The following RASA1 variants were observed in gnomAD, a reference collection of about 807,000 sequenced individuals.
RASA1 encodes ras GTPase-activating protein 1.
A neutral mutation model predicts 132.2 loss-of-function variants in RASA1; 25 were observed. The observed-to-expected ratio is 0.19, with a 90% CI of 0.14 to 0.26. The LOEUF is 0.26. Ranked by LOEUF, RASA1 falls within the 10% of genes least tolerant of loss-of-function variation. The pLI is 1.00. For missense variants in RASA1, 964 were observed against 1,299.2 expected (o/e 0.74, Z 3.97); for synonymous variants, 477 against 449.9 (o/e 1.06, Z -0.76).
At chr5:87,360,699 G>A (rs1760021207) in intron 9 of RASA1, among the ~76,000 whole-genome samples, 1 of 152,116 alleles carries the variant, frequency 6.6e-6, no homozygotes, top group South Asian at 2.1e-4. Context: ...CAGGATAATA[G>A]AAGTAATATG....
chr5:87,385,503 AT>A, intron 22 of RASA1, 114 bp downstream of exon 22: 1 of 800,580 alleles, frequency 1.2e-6, no homozygotes, highest in East Asian at 2.7e-5. Context: ...GCGATGAAAG[AT>A]TATTTTTGTT....
rs1300670161 is a variant in RASA1 at position 87,386,793 on chromosome 5, T to C, written c.2848-33T>C. On this transcript the variant is annotated intron_variant, in intron 22 of 24. Transcript: ENST00000274376. ...AATAGATCAAACAGTGGTTTGTTTC[T>C]GGTGCATATAACAGAAGCATTTTAT... The C allele has an allele frequency of 3.2e-6, 5 of 1,579,220 alleles. No individual in the cohort carries two copies. The African/African-American group carries it at 6.7e-5, about 21-fold the overall frequency.
chr5:87,316,435 A>G (rs971183923), intron 1 of RASA1, among the ~76,000 whole-genome samples: 1 of 152,238 alleles, frequency 6.6e-6, no homozygotes. Context: ...TAAATGGACA[A>G]TCACAAAAAT....
intron 4 of RASA1, among the ~76,000 whole-genome samples, chr5:87,333,742 G>A (rs752670020): frequency 6.6e-6 from 1 of 152,080 alleles, no homozygotes; most frequent in Non-Finnish European, 1.5e-5. Context: ...CAACATGTTA[G>A]TTTGTGGTTT....
intron 1 of RASA1, among the ~76,000 whole-genome samples, chr5:87,292,367 CTTTTTTT>C (rs76957126): frequency 5.8e-5 from 7 of 120,226 alleles, no homozygotes; most frequent in South Asian, 2.7e-4. Flanking sequence ...TGTTTACATT[CTTTTTTT>C]TTTTTTTTTT....
chr5:87,369,281 G>T (rs10057748), intron 11 of RASA1, among the ~76,000 whole-genome samples: 23,804 of 152,082 alleles, frequency 0.16, 1,964 homozygotes, highest in South Asian at 0.25. Context: ...ACTAAAGGAA[G>T]ACAAGAACAT....
chr5:87,302,012 A>T (rs1244642248), intron 1 of RASA1, among the ~76,000 whole-genome samples: 1 of 152,156 alleles, frequency 6.6e-6, no homozygotes, highest in African/African-American at 2.4e-5. Context: ...GAATTTTCTG[A>T]TAATGACTTT....
chr5:87,316,336 A>G (rs1756335535), intron 1 of RASA1, among the ~76,000 whole-genome samples: 1 of 152,202 alleles, frequency 6.6e-6, no homozygotes, highest in Non-Finnish European at 1.5e-5. Flanking sequence ...AAAAAATGGG[A>G]AAAATAGCTG....
chr5:87,387,615 G>A (rs1173440863), intron 23 of RASA1, among the ~76,000 whole-genome samples: 1 of 152,120 alleles, frequency 6.6e-6, no homozygotes. Context: ...GCATTAGGGA[G>A]TGCTAGGATT....
chr5:87,281,902 GT>G (rs1338323286), intron 1 of RASA1, among the ~76,000 whole-genome samples: 2 of 151,956 alleles, frequency 1.3e-5, no homozygotes, highest in Non-Finnish European at 2.9e-5. Flanking sequence ...TTCGAGTTGA[GT>G]TTTTTTGTTT....
chr5:87,338,536 A>ATATTTTTT lies in RASA1; in HGVS notation c.1017+446_1017+447insATTTTTTT. Among the ~76,000 whole-genome samples, 14 of 85,220 alleles carry ATATTTTTT rather than the reference A, an allele frequency of 1.6e-4. 1 individual carries two copies. Among genetic ancestry groups the ATATTTTTT allele is most frequent in the African/African-American group, 4.9e-4 (11 of 22,624 alleles). 55.9% of individuals were successfully genotyped at this position (85,220 alleles called of 152,430 possible). On this transcript the variant is annotated intron_variant, in intron 5 of 24. Coordinates refer to ENST00000274376, the MANE Select transcript of RASA1 (RefSeq NM_002890.3). ...ATATATATATATATATATATATAAA[A>ATATTTTTT]TTTTTTTTTTTTTTAAGTAGAAATG...
At chr5:87,369,784 T>C in intron 11 of RASA1, 29 bp from the exon 12 acceptor site, 1 of 1,516,974 alleles carries the variant, frequency 6.6e-7, no homozygotes, top group African/African-American at 1.4e-5. Flanking sequence ...TTATTAAGCT[T>C]CCTAATAATT....
At chr5:87,297,486 C>T (rs1755174559) in intron 1 of RASA1, among the ~76,000 whole-genome samples, 1 of 152,136 alleles carries the variant, frequency 6.6e-6, no homozygotes, top group South Asian at 2.1e-4. Context: ...TTTCTCAGTC[C>T]CCCACCCTTA....
At chr5:87,287,710 ACG>A (rs1561257348) in intron 1 of RASA1, among the ~76,000 whole-genome samples, 2 of 69,580 alleles carry the variant, frequency 2.9e-5, no homozygotes, top group East Asian at 7.5e-4. Flanking sequence ...ATATATGTAC[ACG>A]CCATAGATAT....
intron 1 of RASA1, among the ~76,000 whole-genome samples, chr5:87,314,934 C>T (rs925023957): frequency 1.9e-4 from 29 of 151,802 alleles, no homozygotes; most frequent in African/African-American, 7.0e-4. Context: ...TAAGTGACAC[C>T]CCCATCTTTA....
At position 87,357,658 on chromosome 5, in the gene RASA1, T is replaced by C. The variant is rs1382006229; in HGVS notation, c.1332+4423T>C. ...AGGTGGAGGTTGCAGTGAGCCGAGA[T>C]TGCACCACTGCACTCCAGACTGGGA... On this transcript the variant is annotated intron_variant, in intron 9 of 24. Coordinates refer to ENST00000274376, the MANE Select transcript of RASA1 (RefSeq NM_002890.3). 3.9e-5 allele frequency among the ~76,000 whole-genome samples: 6 copies of C among 152,070 alleles called. No individual in the cohort carries two copies. The East Asian group carries it at 1.2e-3, about 29-fold the overall frequency.
chr5:87,385,149 A>G (rs1761980499), intron 21 of RASA1, 152 bp from the exon 22 acceptor site: 1 of 666,246 alleles, frequency 1.5e-6, no homozygotes, highest in African/African-American at 1.8e-5. Context: ...TAAATTTTTC[A>G]AAAAACATTT....
At position 87,391,075 on chromosome 5, in the gene RASA1, C is replaced by A; in HGVS notation, c.*192C>A. On this transcript the variant is annotated 3_prime_UTR_variant, in exon 25 of 25. Coordinates refer to ENST00000274376, the MANE Select transcript of RASA1 (RefSeq NM_002890.3). ...CCAGCAACCTTGTAAGCTATCTGTG[C>A]AGGATATTTGCACTATTTCCACATG... 1 of 666,936 alleles carries A rather than the reference C, an allele frequency of 1.5e-6. No individual in the cohort carries two copies. The allele number at this position is 666,936 out of a possible 1,614,324, so 41.3% of individuals were successfully genotyped here. A position where few individuals can be genotyped will look rare whatever the true frequency, so the allele number is the denominator to read the frequency against.
At chr5:87,305,165 A>G (rs1271865356) in intron 1 of RASA1, among the ~76,000 whole-genome samples, 2 of 152,024 alleles carry the variant, frequency 1.3e-5, no homozygotes, top group African/African-American at 2.4e-5. Flanking sequence ...TTTGAATATA[A>G]TGTCTTTCTG....
Sources: allele counts gnomAD v4.1 joint callset (sites outside exome capture counted in the v4.1 genomes callset), GRCh38; gene constraint gnomAD v4.1.1; transcripts MANE v1.5; gene names NCBI Gene and HGNC (gene_info 2026-07-23, HGNC 2026-07-21).